The following HDLBP variants were observed in gnomAD, a reference collection of about 807,000 sequenced individuals.
HDLBP encodes high density lipoprotein binding protein.
HDLBP carries 30 observed loss-of-function variants against 137.3 expected under a neutral mutation model. That is an observed-to-expected ratio of 0.22 (90% CI 0.16 to 0.30). HDLBP has a LOEUF of 0.30. Ranked by LOEUF, HDLBP falls within the 10% of genes least tolerant of loss-of-function variation. HDLBP has a pLI of 1.00. For synonymous variants in HDLBP, 606 were observed against 596.0 expected (o/e 1.02, Z -0.24); for missense variants, 1,119 against 1,667.3 (o/e 0.67, Z 5.73).
intron 1 of HDLBP, among the ~76,000 whole-genome samples, chr2:241,312,371 C>T (rs975869552): frequency 8.5e-5 from 13 of 152,202 alleles, no homozygotes; most frequent in African/African-American, 1.2e-4. Context: ...TCTAAAATGT[C>T]TCTGACTTTA....
rs2070097547 is a variant in HDLBP, at chr2:241,233,973, A to G, written c.3145-10T>C. ...TAAAACTCCTTAAAGCCTACAAATG[A>G]AAGGAGCAAGAATGAGGCAAAGATT... On this transcript the variant is annotated splice_polypyrimidine_tract_variant and intron_variant, in intron 23 of 27. Transcript: ENST00000310931. The surrounding 1 kb of genome is among the most constrained non-coding windows in gnomAD (Gnocchi z 4.3). 6.2e-7 allele frequency: 1 copy of G among 1,613,992 alleles called. No homozygotes were observed. Among genetic ancestry groups the G allele is most frequent in the African/African-American group, 1.3e-5 (1 of 74,910 alleles).
chr2:241,248,478 A>T, intron 12 of HDLBP, 130 bp from the exon 13 acceptor site: 1 of 712,806 alleles, frequency 1.4e-6, no homozygotes, highest in Non-Finnish European at 2.5e-6. Flanking sequence ...TCCAGGTGGC[A>T]CCTCGTAGCA....
In HDLBP at chr2:241,272,708, C is replaced by T. The variant is rs1212109884; in HGVS notation, c.-102-4167G>A. 1.7e-6 allele frequency: 1 copy of T among 598,110 alleles called. No homozygotes were observed. The highest frequency in any genetic ancestry group is 2.1e-6 in the Non-Finnish European group (1 of 480,880). The allele number at this position is 598,110 out of a possible 1,614,324, so 37.1% of individuals were successfully genotyped here. A position where few individuals can be genotyped will look rare whatever the true frequency, so the allele number is the denominator to read the frequency against. ...CCCACCCCCCCGCCCGGCAGCCCGC[C>T]CGCCCCGTCCGCCCGCCCGCCCAGG... On this transcript the variant is annotated intron_variant, in intron 1 of 27. Coordinates refer to ENST00000310931, the MANE Select transcript of HDLBP (RefSeq NM_005336.6). This position sits in a 1 kb window ranked among gnomAD's most constrained non-coding sequence, Gnocchi z 5.6.
At chr2:241,276,351 A>G (rs1344054641) in intron 1 of HDLBP, among the ~76,000 whole-genome samples, 2 of 152,200 alleles carry the variant, frequency 1.3e-5, no homozygotes, top group African/African-American at 4.8e-5. Flanking sequence ...GGTATTCATT[A>G]CGATGTACAT....
At position 241,272,506 on chromosome 2, in the gene HDLBP, C is replaced by T. The variant is rs2074163244; in HGVS notation, c.-102-3965G>A. The T allele has an allele frequency of 1.0e-6, 1 of 984,726 alleles. No homozygotes were observed. Among genetic ancestry groups the T allele is most frequent in the Admixed American group, 6.2e-5 (1 of 16,226 alleles). The allele number at this position is 984,726 out of a possible 1,614,324, so 61.0% of individuals were successfully genotyped here. On this transcript the variant is annotated intron_variant, in intron 1 of 27. Coordinates refer to ENST00000310931, the MANE Select transcript of HDLBP (RefSeq NM_005336.6). This position sits in a 1 kb window ranked among gnomAD's most constrained non-coding sequence, Gnocchi z 5.6. ...CCGGACTTGAGAAAGTTTGTGCGCG[C>T]CCCTCCGCGCCACGGCCACGCGCAG...
At chr2:241,306,064 AG>A (rs1172906319) in intron 1 of HDLBP, among the ~76,000 whole-genome samples, 1 of 151,148 alleles carries the variant, frequency 6.6e-6, no homozygotes, top group African/African-American at 2.4e-5. Flanking sequence ...CCGGCCAAAA[AG>A]TTTTAATAGG....
Position 241,229,417 on chromosome 2 carries a change from C to A in HDLBP, c.*184G>T, listed in dbSNP as rs1289679155. 3.6e-6 allele frequency: 2 copies of A among 555,606 alleles called. No homozygotes were observed. The highest frequency in any genetic ancestry group is 6.2e-5 in the Admixed American group (2 of 32,018). 34.4% of individuals were successfully genotyped at this position (555,606 alleles called of 1,614,324 possible). ...AACAGTGGAGCAGGTCCTGAGCGGG[C>A]ACGGCCAGGCCTGGAGGAGCGGCCG... On this transcript the variant is annotated 3_prime_UTR_variant, in exon 28 of 28. Transcript: ENST00000310931.
At chr2:241,293,764 A>G (rs1445872321) in intron 1 of HDLBP, among the ~76,000 whole-genome samples, 1 of 147,798 alleles carries the variant, frequency 6.8e-6, no homozygotes, top group East Asian at 2.0e-4. Flanking sequence ...TACCAAAAAT[A>G]CAAAAAATTA....
At chr2:241,286,944 T>TC (rs2074835904) in intron 1 of HDLBP, among the ~76,000 whole-genome samples, 2 of 98,700 alleles carry the variant, frequency 2.0e-5, no homozygotes, top group East Asian at 1.1e-3. Flanking sequence ...AGACCCTGTT[T>TC]CCAAAAAAAA....
At position 241,229,624 on chromosome 2, in the gene HDLBP, G is replaced by C. The variant is rs577589305; in HGVS notation, c.3784C>G (p.Leu1262Val). 2.5e-6 allele frequency: 4 copies of C among 1,613,932 alleles called. No homozygotes were observed. The South Asian group carries it at 4.4e-5, about 18-fold the overall frequency. The change falls in exon 28 of 28, where the codon CTC becomes GTC. Residue 1262 changes from leucine (L) to valine (V), a missense_variant. Leu to Val is a conservative substitution (Grantham distance 32). Coordinates refer to ENST00000310931, the MANE Select transcript of HDLBP (RefSeq NM_005336.6). ...SFGAQVAPKT[L>V]PWGPKR ...CATTATCGTTTGGGGCCCCAAGGGAGGGTCTTGGGAGCCACCTGAGCCCCA... is the reference window on the plus strand; with the variant it reads ...CATTATCGTTTGGGGCCCCAAGGGACGGTCTTGGGAGCCACCTGAGCCCCA...
At chr2:241,309,721 A>C (rs2075706031) in intron 1 of HDLBP, among the ~76,000 whole-genome samples, 2 of 152,226 alleles carry the variant, frequency 1.3e-5, no homozygotes, top group African/African-American at 4.8e-5. Context: ...TTCTGTCTGC[A>C]AAGGGAAGTA....
chr2:241,315,207 G>A (rs538635715), intron 1 of HDLBP: 1 of 152,164 alleles, frequency 6.6e-6, no homozygotes, highest in African/African-American at 2.4e-5. Context: ...CGTCCCCGGG[G>A]AGGGACGCCC....
At chr2:241,267,806 T>G (rs2073792126) in intron 2 of HDLBP, 1 of 1,474,574 alleles carries the variant, frequency 6.8e-7, no homozygotes, top group Admixed American at 2.1e-5. Context: ...CTGGTTATTC[T>G]CCCATCCCTC....
rs144124091 is a variant in HDLBP, at chr2:241,242,910, G to T, written c.1951-232C>A. The T allele has an allele frequency of 5.7e-5, 32 of 556,552 alleles. No individual in the cohort carries two copies. The Admixed American group carries it at 9.1e-4, about 16-fold the overall frequency. 34.5% of individuals were successfully genotyped at this position (556,552 alleles called of 1,614,324 possible). ...GCCCAGCAGAGCAGGCGCGCTGGGA[G>T]GTGTTTAACTCAACAGGACCCAGAG... On this transcript the variant is annotated intron_variant, in intron 16 of 27. Transcript: ENST00000310931.
At chr2:241,235,968 C>G in intron 21 of HDLBP, 1 of 228,758 alleles carries the variant, frequency 4.4e-6, no homozygotes, top group Non-Finnish European at 8.6e-6. Context: ...CTTCCCTGCC[C>G]TGTCCCTTGG....
chr2:241,274,120 T>C (rs2074300313), intron 1 of HDLBP, among the ~76,000 whole-genome samples: 4 of 152,088 alleles, frequency 2.6e-5, no homozygotes, highest in Admixed American at 2.6e-4. Flanking sequence ...GTGGGTAAAA[T>C]TCAAGGAAGA....
chr2:241,272,719 GC>G lies in HDLBP; in HGVS notation c.-102-4179del. The G allele has an allele frequency of 2.4e-6, 1 of 421,960 alleles. No individual in the cohort carries two copies. The highest frequency in any genetic ancestry group is 5.1e-5 in the African/African-American group (1 of 19,436). 26.1% of individuals were successfully genotyped at this position (421,960 alleles called of 1,614,324 possible). A position where few individuals can be genotyped will look rare whatever the true frequency, so the allele number is the denominator to read the frequency against. On this transcript the variant is annotated intron_variant, in intron 1 of 27. Coordinates refer to ENST00000310931, the MANE Select transcript of HDLBP (RefSeq NM_005336.6). This position sits in a 1 kb window ranked among gnomAD's most constrained non-coding sequence, Gnocchi z 5.6. The stretch of plus-strand genomic sequence containing the variant: ...GCCCGGCAGCCCGCCCGCCCCGTCC[GC>G]CCGCCCGCCCAGGCCTCCCAGCCCC...
At chr2:241,258,513 G>C (rs1223770347) in intron 5 of HDLBP, among the ~76,000 whole-genome samples, 1 of 152,034 alleles carries the variant, frequency 6.6e-6, no homozygotes, top group Non-Finnish European at 1.5e-5. Flanking sequence ...GGCAGGCTGA[G>C]ACCCTGTGTT....
chr2:241,272,409 G>T lies in HDLBP; in HGVS notation c.-102-3868C>A, dbSNP rs2074148711. The T allele has an allele frequency of 3.0e-6, 3 of 984,722 alleles. No individual in the cohort carries two copies. Among genetic ancestry groups the T allele is most frequent in the Non-Finnish European group, 3.6e-6 (3 of 829,694 alleles). 61.0% of individuals were successfully genotyped at this position (984,722 alleles called of 1,614,324 possible). On this transcript the variant is annotated intron_variant, in intron 1 of 27. Transcript: ENST00000310931. This position sits in a 1 kb window ranked among gnomAD's most constrained non-coding sequence, Gnocchi z 5.6. ...CCGCGCCGTGCGGCCACGGCACCAG[G>T]GGTGCCCCACCGAAGCCCCGGGAGG...
Sources: gnomAD v4.1 joint callset for allele counts (sites outside exome capture counted in the v4.1 genomes callset) on GRCh38, gnomAD v4.1.1 for gene constraint, Gnocchi (gnomAD v3.1) non-coding constraint, MANE v1.5 for transcripts, NCBI Gene and HGNC (gene_info 2026-07-23, HGNC 2026-07-21) for gene names.